Variants in GPBP1L1 observed in about 807,000 individuals in gnomAD.
GPBP1L1 encodes GC-rich promoter binding protein 1 like 1, also known as vasculin-like protein 1.
GPBP1L1 carries 23 observed loss-of-function variants against 52.5 expected under a neutral mutation model. That is an observed-to-expected ratio of 0.44 (90% CI 0.32 to 0.62). The LOEUF (loss-of-function observed/expected upper bound fraction) is 0.62. Ranked by LOEUF, GPBP1L1 falls within the 20% of genes least tolerant of loss-of-function variation. GPBP1L1 has a pLI of 0.06. For missense variants in GPBP1L1, 596 were observed against 579.3 expected (o/e 1.03, Z -0.30); for synonymous variants, 243 against 203.1 (o/e 1.20, Z -1.67).
At chr1:45,665,478 C>T (rs575453992) in intron 2 of GPBP1L1, among the ~76,000 whole-genome samples, 2 of 151,696 alleles carry the variant, frequency 1.3e-5, no homozygotes, top group Non-Finnish European at 2.9e-5. Context: ...TGGCCAAGCG[C>T]GGTGGCTCAC....
At chr1:45,655,501 A>T in intron 4 of GPBP1L1, 182 bp from the exon 5 acceptor site, 1 of 532,776 alleles carries the variant, frequency 1.9e-6, no homozygotes, top group Admixed American at 3.5e-5. Flanking sequence ...CCTAGGTTAT[A>T]TATTCAATTG....
chr1:45,687,080 T>G (rs1645299749), upstream of GPBP1L1: 1 of 152,268 alleles, frequency 6.6e-6, no homozygotes, highest in Non-Finnish European at 1.5e-5. Flanking sequence ...CGTGTGCGCG[T>G]CGTTGAGACT....
In GPBP1L1 at chr1:45,659,073, A is replaced by G; in HGVS notation, c.15T>C (p.Asp5=). The G allele has an allele frequency of 6.2e-7, 1 of 1,614,104 alleles. No individual in the cohort carries two copies. The highest frequency in any genetic ancestry group is 1.6e-4 in the Middle Eastern group (1 of 6,062). The change falls in exon 4 of 13, where the codon GAT becomes GAC. Residue 5 remains aspartate (D), a synonymous_variant. Transcript: ENST00000355105. MAQH[D]FVPAWLNFST... is the part of the protein sequence containing the mutation. ...AGAAATTTAGCCAAGCAGGAACAAAATCATGCTGCGCCATTTAGGTCCAGT... is the reference window on the plus strand; with the variant it reads ...AGAAATTTAGCCAAGCAGGAACAAAGTCATGCTGCGCCATTTAGGTCCAGT...
rs370492832 is a variant in GPBP1L1 at position 45,646,148 on chromosome 1, G to T, written c.478-3649C>A. ...GAACCGGCGTTTCCCTCTCTTTTCG[G>T]CATTGGTGATACTCTTGAGAGCAAC... On this transcript the variant is annotated intron_variant, in intron 6 of 12. Transcript: ENST00000355105. 4.2e-4 allele frequency: 162 copies of T among 382,088 alleles called. 1 individual carries two copies. In the East Asian group the frequency reaches 8.6e-3, roughly 20 times the overall value. The allele number at this position is 382,088 out of a possible 1,614,324, so 23.7% of individuals were successfully genotyped here.
At chr1:45,676,710 CAAAAAAAAAAAAAAA>C (rs1189531708) in intron 2 of GPBP1L1, among the ~76,000 whole-genome samples, 1 of 63,266 alleles carries the variant, frequency 1.6e-5, no homozygotes. Flanking sequence ...AACTCTGTCT[CAAAAAAAAAAAAAAA>C]AAAAAAAATT....
intron 2 of GPBP1L1, among the ~76,000 whole-genome samples, chr1:45,680,693 T>G (rs943874279): frequency 6.6e-6 from 1 of 152,168 alleles, no homozygotes; most frequent in Non-Finnish European, 1.5e-5. Context: ...CTGTGTGACT[T>G]TGAATAAGTT....
At chr1:45,652,420 A>C (rs556919444) in intron 6 of GPBP1L1, among the ~76,000 whole-genome samples, 1 of 152,210 alleles carries the variant, frequency 6.6e-6, no homozygotes, top group African/African-American at 2.4e-5. Context: ...AAACTATGCT[A>C]ATCAGTAGCA....
At chr1:45,650,555 G>A (rs947099215) in intron 6 of GPBP1L1, among the ~76,000 whole-genome samples, 4 of 152,060 alleles carry the variant, frequency 2.6e-5, no homozygotes, top group Admixed American at 6.6e-5. Flanking sequence ...TTAATTACAC[G>A]AAACCAATAC....
intron 6 of GPBP1L1, among the ~76,000 whole-genome samples, chr1:45,646,985 T>C (rs1644755751): frequency 6.6e-6 from 1 of 152,104 alleles, no homozygotes; most frequent in South Asian, 2.1e-4. Context: ...ATTTTTTACC[T>C]ATGTATTTCT....
chr1:45,647,497 T>C (rs192420271), intron 6 of GPBP1L1, among the ~76,000 whole-genome samples: 4 of 152,320 alleles, frequency 2.6e-5, no homozygotes, highest in Non-Finnish European at 2.9e-5. Flanking sequence ...CTTCTGCCTG[T>C]TGAGCAAAAA....
chr1:45,669,623 C>G (rs972753205), intron 2 of GPBP1L1, among the ~76,000 whole-genome samples: 1 of 104,138 alleles, frequency 9.6e-6, no homozygotes, highest in Non-Finnish European at 2.0e-5. Flanking sequence ...TATGACCCCC[C>G]CTCCAACCCC....
At chr1:45,684,272 A>AAG (rs1553185631) in intron 2 of GPBP1L1, among the ~76,000 whole-genome samples, 18 of 150,956 alleles carry the variant, frequency 1.2e-4, no homozygotes, top group Admixed American at 3.3e-4. Flanking sequence ...AAAAAAAAAA[A>AAG]AAAAAGAAAA....
At chr1:45,636,117 T>C (rs573993371) in intron 8 of GPBP1L1, among the ~76,000 whole-genome samples, 3 of 152,306 alleles carry the variant, frequency 2.0e-5, no homozygotes, top group African/African-American at 7.2e-5. Flanking sequence ...TAACCAAAAC[T>C]TTCATCCTTA....
At chr1:45,684,230 C>G (rs1645250217) in intron 2 of GPBP1L1, among the ~76,000 whole-genome samples, 1 of 129,922 alleles carries the variant, frequency 7.7e-6, no homozygotes, top group Non-Finnish European at 1.6e-5. Flanking sequence ...CGCACTCCAG[C>G]CTGGGCAACA....
chr1:45,683,444 A>T (rs1645236807), intron 2 of GPBP1L1, among the ~76,000 whole-genome samples: 1 of 150,624 alleles, frequency 6.6e-6, no homozygotes, highest in African/African-American at 2.4e-5. Flanking sequence ...TGACCTCGTG[A>T]TCCGCCCGCC....
intron 2 of GPBP1L1, among the ~76,000 whole-genome samples, chr1:45,673,512 T>C (rs973868499): frequency 3.9e-5 from 6 of 152,218 alleles, no homozygotes; most frequent in African/African-American, 1.4e-4. Flanking sequence ...CTTGCTTACT[T>C]TGCTTGTCAC....
chr1:45,639,466 C>A (rs944070268), intron 8 of GPBP1L1, among the ~76,000 whole-genome samples: 18 of 151,850 alleles, frequency 1.2e-4, no homozygotes, highest in African/African-American at 4.1e-4. Context: ...GTGGCTCACG[C>A]CCATAATCTC....
chr1:45,636,246 TCA>T (rs1403674052), intron 8 of GPBP1L1, among the ~76,000 whole-genome samples: 2 of 152,326 alleles, frequency 1.3e-5, no homozygotes, highest in South Asian at 2.1e-4. Flanking sequence ...CTTCACTCTC[TCA>T]GTTCTCTCTT....
At chr1:45,635,098 T>A (rs556449963) in intron 8 of GPBP1L1, 14 of 152,224 alleles carry the variant, frequency 9.2e-5, no homozygotes, top group Non-Finnish European at 1.3e-4. Context: ...TTAACTTTAC[T>A]ATCTACCATG....
Sources: allele counts gnomAD v4.1 joint callset (sites outside exome capture counted in the v4.1 genomes callset), GRCh38; gene constraint gnomAD v4.1.1; transcripts MANE v1.5; gene names NCBI Gene and HGNC (gene_info 2026-07-23, HGNC 2026-07-21).